The following ENTREP2 variants were observed in gnomAD, a reference collection of about 807,000 sequenced individuals.
The protein encoded by ENTREP2 is protein ENTREP2.
the ENTREP2 span, among the ~76,000 whole-genome samples, chr15:29,516,968 C>CAAAAAAAAA: frequency 4.5e-5 from 4 of 88,644 alleles, no homozygotes; most frequent in African/African-American, 1.8e-4. Flanking sequence ...AATTATGAGC[C>CAAAAAAAAA]AAAAAAAAAA....
the ENTREP2 span, among the ~76,000 whole-genome samples, chr15:29,263,412 A>G: frequency 9.9e-5 from 15 of 152,202 alleles, no homozygotes; most frequent in South Asian, 2.1e-4. Flanking sequence ...GGCCAAGGTC[A>G]CCTGAGTGGG....
chr15:29,659,909 G>T, the ENTREP2 span, among the ~76,000 whole-genome samples: 1 of 151,550 alleles, frequency 6.6e-6, no homozygotes, highest in Non-Finnish European at 1.5e-5. Context: ...AGCAATTCTT[G>T]TGCCTCGGCC....
chr15:29,200,758 C>T, the ENTREP2 span, among the ~76,000 whole-genome samples: 165 of 150,346 alleles, frequency 1.1e-3, 2 homozygotes, highest in African/African-American at 3.4e-3. Context: ...GATGGGGTTT[C>T]GCCATATTGG....
At chr15:29,504,123 A>C in the ENTREP2 span, among the ~76,000 whole-genome samples, 1,717 of 152,302 alleles carry the variant, frequency 0.011, 29 homozygotes, top group African/African-American at 0.039. Flanking sequence ...GAGCAGTTTG[A>C]CGATTATAGT....
chr15:29,556,205 C>T, the ENTREP2 span, among the ~76,000 whole-genome samples: 1 of 152,114 alleles, frequency 6.6e-6, no homozygotes, highest in Admixed American at 6.6e-5. Context: ...TGCAGTGAGC[C>T]GTGATCCTGC....
the ENTREP2 span, among the ~76,000 whole-genome samples, chr15:29,300,010 T>C: frequency 6.8e-6 from 1 of 146,300 alleles, no homozygotes; most frequent in African/African-American, 2.6e-5. Context: ...GATGGATGGA[T>C]GTGTGGATGG....
the ENTREP2 span, among the ~76,000 whole-genome samples, chr15:29,272,526 T>C: frequency 2.6e-5 from 4 of 152,164 alleles, no homozygotes; most frequent in Admixed American, 2.6e-4. Context: ...GGTTCATAAA[T>C]TTGGAAAGAG....
At chr15:29,333,030 A>G in the ENTREP2 span, among the ~76,000 whole-genome samples, 1 of 151,852 alleles carries the variant, frequency 6.6e-6, no homozygotes, top group African/African-American at 2.4e-5. Context: ...CATTCTAATT[A>G]GAGCACATGG....
the ENTREP2 span, among the ~76,000 whole-genome samples, chr15:29,417,951 A>G: frequency 6.6e-6 from 1 of 152,258 alleles, no homozygotes; most frequent in Non-Finnish European, 1.5e-5. Context: ...TGTTTTGCTC[A>G]GCAAAATATC....
chr15:29,604,046 AGACAGTTGC>A, the ENTREP2 span, among the ~76,000 whole-genome samples: 1 of 152,222 alleles, frequency 6.6e-6, no homozygotes, highest in South Asian at 2.1e-4. Flanking sequence ...GAGGGAAAGG[AGACAGTTGC>A]AACATTTATG....
the ENTREP2 span, among the ~76,000 whole-genome samples, chr15:29,496,136 T>G: frequency 6.6e-6 from 1 of 152,050 alleles, no homozygotes; most frequent in East Asian, 1.9e-4. Context: ...TTTAAGCTTA[T>G]TTATGTTATT....
chr15:29,401,811 T>C, the ENTREP2 span, among the ~76,000 whole-genome samples: 3 of 152,210 alleles, frequency 2.0e-5, no homozygotes, highest in Non-Finnish European at 4.4e-5. Flanking sequence ...AAGTTTGAGG[T>C]AGATCTATTT....
At chr15:29,428,442 T>C in the ENTREP2 span, among the ~76,000 whole-genome samples, 1 of 152,216 alleles carries the variant, frequency 6.6e-6, no homozygotes, top group East Asian at 1.9e-4. Flanking sequence ...CTTGAACTCC[T>C]GACCTCAGGT....
chr15:29,183,822 C>T, the ENTREP2 span, among the ~76,000 whole-genome samples: 1 of 152,014 alleles, frequency 6.6e-6, no homozygotes, highest in Non-Finnish European at 1.5e-5. Context: ...GACAGAGAGC[C>T]GTGGCAGTGG....
chr15:29,316,177 A>C, the ENTREP2 span, among the ~76,000 whole-genome samples: 1 of 152,238 alleles, frequency 6.6e-6, no homozygotes, highest in Non-Finnish European at 1.5e-5. Context: ...AAATGAAATA[A>C]GTGAACCAGT....
the ENTREP2 span, among the ~76,000 whole-genome samples, chr15:29,643,990 T>C: frequency 6.6e-6 from 1 of 152,054 alleles, no homozygotes; most frequent in Non-Finnish European, 1.5e-5. Context: ...TGTACGTGAA[T>C]GTTCAAAGCA....
At chr15:29,607,345 C>T in the ENTREP2 span, among the ~76,000 whole-genome samples, 5 of 139,084 alleles carry the variant, frequency 3.6e-5, no homozygotes, top group South Asian at 2.3e-4. Flanking sequence ...TTATGTCTCT[C>T]GAGGCATTAC....
chr15:29,524,700 A>C, the ENTREP2 span, among the ~76,000 whole-genome samples: 1 of 152,368 alleles, frequency 6.6e-6, no homozygotes, highest in East Asian at 1.9e-4. Flanking sequence ...TCAGGAGCAC[A>C]GCAGACACCC....
At chr15:29,423,118 T>G in the ENTREP2 span, among the ~76,000 whole-genome samples, 1 of 152,148 alleles carries the variant, frequency 6.6e-6, no homozygotes, top group East Asian at 1.9e-4. Context: ...ACAGTCAAGC[T>G]AAAATGCACA....
Sources: gnomAD v4.1 joint callset for allele counts (sites outside exome capture counted in the v4.1 genomes callset) on GRCh38, gnomAD v4.1.1 for gene constraint, MANE v1.5 for transcripts, NCBI Gene and HGNC (gene_info 2026-07-23, HGNC 2026-07-21) for gene names.